The following PLPP4 variants were observed in gnomAD, a reference collection of about 807,000 sequenced individuals.
PLPP4 encodes diacylglycerol pyrophosphate like 2.
PLPP4 carries 20 observed loss-of-function variants against 32.2 expected under a neutral mutation model. That is an observed-to-expected ratio of 0.62 (90% CI 0.44 to 0.90). The LOEUF is 0.90. Ranked by LOEUF, PLPP4 falls within the 40% of genes least tolerant of loss-of-function variation. The pLI, the probability that PLPP4 is intolerant of heterozygous loss-of-function variation, is 0.00. For synonymous variants in PLPP4, 127 were observed against 133.0 expected (o/e 0.95, Z 0.31); for missense variants, 257 against 353.1 (o/e 0.73, Z 2.18).
chr10:120,565,781 T>C (rs1185133943), intron 5 of PLPP4, among the ~76,000 whole-genome samples: 2 of 152,140 alleles, frequency 1.3e-5, no homozygotes, highest in Non-Finnish European at 2.9e-5. Context: ...CTCTATTACT[T>C]CCTCCTCTAA....
At position 120,546,095 on chromosome 10, in the gene PLPP4, C is replaced by A. The variant is rs116304079; in HGVS notation, c.445+25000C>A. ...CTACAGCCACAGACTGAAGGCTGCACTGTGGGCTTCCCTATTTTTGAGGTT... is the reference window on the plus strand; with the variant it reads ...CTACAGCCACAGACTGAAGGCTGCAATGTGGGCTTCCCTATTTTTGAGGTT... On this transcript the variant is annotated intron_variant, in intron 5 of 6. Transcript: ENST00000398250. Among the ~76,000 whole-genome samples, 1,312 of 152,294 alleles carry A rather than the reference C, an allele frequency of 8.6e-3. 24 individuals are homozygous for A. Among genetic ancestry groups the A allele is most frequent in the African/African-American group, 0.03 (1,261 of 41,556 alleles).
intron 5 of PLPP4, among the ~76,000 whole-genome samples, chr10:120,530,310 C>G (rs574156288): frequency 2.6e-4 from 40 of 152,256 alleles, no homozygotes; most frequent in African/African-American, 9.4e-4. Context: ...CATGAGGCAG[C>G]CACTGTTCAG....
At chr10:120,486,108 G>A (rs1202755672) in intron 1 of PLPP4, among the ~76,000 whole-genome samples, 1 of 152,196 alleles carries the variant, frequency 6.6e-6, no homozygotes, top group Non-Finnish European at 1.5e-5. Flanking sequence ...TCACAGTCAT[G>A]TAATGTCACA....
chr10:120,547,245 C>T (rs886437591), intron 5 of PLPP4, among the ~76,000 whole-genome samples: 1 of 151,268 alleles, frequency 6.6e-6, no homozygotes, highest in African/African-American at 2.4e-5. Flanking sequence ...GAAATAAATG[C>T]CTTTCAAAGA....
At position 120,578,701 on chromosome 10, in the gene PLPP4, G is replaced by A. The variant is rs118189537; in HGVS notation, c.616+3400G>A. Among the ~76,000 whole-genome samples, 292 of 152,266 alleles carry A rather than the reference G, an allele frequency of 1.9e-3. 1 individual carries two copies. Among genetic ancestry groups the A allele is most frequent in the Non-Finnish European group, 3.5e-3 (236 of 68,024 alleles). ...CAAATCTATTGTTTTATTAAGTGAC[G>A]AAAATACAGAGGCACAGGCCATGGC... On this transcript the variant is annotated intron_variant, in intron 6 of 6. Coordinates refer to ENST00000398250, the MANE Select transcript of PLPP4 (RefSeq NM_001030059.3).
At chr10:120,528,140 T>A (rs1417975911) in intron 5 of PLPP4, among the ~76,000 whole-genome samples, 3 of 135,588 alleles carry the variant, frequency 2.2e-5, no homozygotes, top group Admixed American at 8.5e-5. Flanking sequence ...AGCGGCGCGA[T>A]CTCGGCTCAC....
intron 6 of PLPP4, among the ~76,000 whole-genome samples, chr10:120,586,350 C>A (rs1044749802): frequency 6.7e-6 from 1 of 148,882 alleles, no homozygotes; most frequent in Non-Finnish European, 1.5e-5. Context: ...CACCGTGTTG[C>A]CCAGGCTGGT....
Position 120,474,200 on chromosome 10 carries a change from A to G in PLPP4, c.56+16839A>G, listed in dbSNP as rs550928055. Among the ~76,000 whole-genome samples the G allele has an allele frequency of 5.3e-4, 80 of 152,292 alleles. 1 individual carries two copies. The highest frequency in any genetic ancestry group is 3.4e-3 in the Middle Eastern group (1 of 294). Reference sequence around the variant, plus strand: ...AGTTCAATCAGCCATCTTGACCTAGATGTCTCTTTAAAGAGATCTAAAAGT... The same window carrying G: ...AGTTCAATCAGCCATCTTGACCTAGGTGTCTCTTTAAAGAGATCTAAAAGT... On this transcript the variant is annotated intron_variant, in intron 1 of 6. Transcript: ENST00000398250.
chr10:120,589,564 A>G lies in PLPP4; in HGVS notation c.*62A>G, dbSNP rs375354325. 5 of 1,296,360 alleles carry G rather than the reference A, an allele frequency of 3.9e-6. No homozygotes were observed. The African/African-American group carries it at 5.9e-5, about 15-fold the overall frequency. 80.3% of individuals were successfully genotyped at this position (1,296,360 alleles called of 1,614,324 possible). On this transcript the variant is annotated 3_prime_UTR_variant, in exon 7 of 7. Coordinates refer to ENST00000398250, the MANE Select transcript of PLPP4 (RefSeq NM_001030059.3). The stretch of plus-strand genomic sequence containing the variant: ...ACATCTGCCACCCTGACATCATAAC[A>G]CAATAGAAATGGTTTTCTGTAGTGT...
rs1849951888 is a variant in PLPP4 at position 120,590,242 on chromosome 10, G to GCT, written c.*743_*744dup. Among the ~76,000 whole-genome samples the GCT allele has an allele frequency of 6.6e-6, 1 of 152,166 alleles. No individual in the cohort carries two copies. The highest frequency in any genetic ancestry group is 2.4e-5 in the African/African-American group (1 of 41,438). The stretch of plus-strand genomic sequence containing the variant: ...CTAAGTTTATGGAGCCACTTCTGTA[G>GCT]CTCTGCCTCATACAGTGAATTTTTG... On this transcript the variant is annotated 3_prime_UTR_variant, in exon 7 of 7. Transcript: ENST00000398250.
At chr10:120,513,263 AG>A (rs1845802166) in intron 2 of PLPP4, among the ~76,000 whole-genome samples, 1 of 152,154 alleles carries the variant, frequency 6.6e-6, no homozygotes, top group African/African-American at 2.4e-5. Flanking sequence ...AGGATGTAAG[AG>A]GCTCCTGGAC....
At chr10:120,550,556 C>A (rs1847845453) in intron 5 of PLPP4, among the ~76,000 whole-genome samples, 1 of 151,528 alleles carries the variant, frequency 6.6e-6, no homozygotes. Flanking sequence ...GTGATCAAGC[C>A]AATGTGGTTA....
At chr10:120,498,382 G>A (rs959910836) in intron 1 of PLPP4, among the ~76,000 whole-genome samples, 1 of 152,116 alleles carries the variant, frequency 6.6e-6, no homozygotes, top group Non-Finnish European at 1.5e-5. Context: ...AGAAAATATT[G>A]CATTCACACC....
rs555449012 is a variant in PLPP4, at chr10:120,533,941, C to G, written c.445+12846C>G. Among the ~76,000 whole-genome samples the G allele has an allele frequency of 4.6e-5, 7 of 152,256 alleles. No homozygotes were observed. The East Asian group carries it at 7.7e-4, about 17-fold the overall frequency. ...ATTATCTTTCCATATGTTGTAGGAA[C>G]AACAATGCAATTACATATGTATCAT... On this transcript the variant is annotated intron_variant, in intron 5 of 6. Transcript: ENST00000398250.
chr10:120,569,320 A>C (rs2134035397), intron 5 of PLPP4, among the ~76,000 whole-genome samples: 1 of 151,694 alleles, frequency 6.6e-6, no homozygotes, highest in African/African-American at 2.4e-5. Flanking sequence ...CAGTGCCTCC[A>C]GCCAGTTGAC....
At chr10:120,473,899 C>T (rs1180356062) in intron 1 of PLPP4, among the ~76,000 whole-genome samples, 2 of 152,282 alleles carry the variant, frequency 1.3e-5, no homozygotes, top group East Asian at 3.9e-4. Context: ...CTAGTTAAAC[C>T]TCTTTTCTTT....
chr10:120,547,430 G>T (rs140264161), intron 5 of PLPP4, among the ~76,000 whole-genome samples: 1 of 152,146 alleles, frequency 6.6e-6, no homozygotes, highest in Non-Finnish European at 1.5e-5. Flanking sequence ...GTTGAAAATT[G>T]TGTATGTGTT....
chr10:120,523,002 T>C (rs984272550), intron 5 of PLPP4, among the ~76,000 whole-genome samples: 1 of 152,144 alleles, frequency 6.6e-6, no homozygotes, highest in African/African-American at 2.4e-5. Context: ...GGTGTCCTTA[T>C]AAAAGAAAGG....
At chr10:120,530,193 GT>G (rs1230286473) in intron 5 of PLPP4, among the ~76,000 whole-genome samples, 1 of 152,110 alleles carries the variant, frequency 6.6e-6, no homozygotes, top group Non-Finnish European at 1.5e-5. Context: ...TAACCATTCA[GT>G]TTTTACAAAT....
Sources: allele counts gnomAD v4.1 joint callset (sites outside exome capture counted in the v4.1 genomes callset), GRCh38; gene constraint gnomAD v4.1.1; transcripts MANE v1.5; gene names NCBI Gene and HGNC (gene_info 2026-07-23, HGNC 2026-07-21).